GRIA4: variants seen among roughly 807,000 people sequenced by gnomAD.
The protein encoded by GRIA4 is glutamate ionotropic receptor AMPA type subunit 4.
A neutral mutation model predicts 104.0 loss-of-function variants in GRIA4; 34 were observed. The ratio of observed to expected loss-of-function variants is 0.33; its 90% CI spans 0.25 to 0.44. The LOEUF (loss-of-function observed/expected upper bound fraction) is 0.44. GRIA4 is among the 20% of genes least tolerant of loss of function. The pLI, the probability that GRIA4 is intolerant of heterozygous loss-of-function variation, is 1.00. For synonymous variants in GRIA4, 386 were observed against 381.9 expected (o/e 1.01, Z -0.13); for missense variants, 750 against 1,096.5 (o/e 0.68, Z 4.46).
chr11:105,896,976 T>C (rs1240435186), intron 6 of GRIA4, among the ~76,000 whole-genome samples: 11 of 152,202 alleles, frequency 7.2e-5, no homozygotes, highest in African/African-American at 2.7e-4. Flanking sequence ...AGGAATTGCA[T>C]TGAATCTGTA....
At position 105,924,384 on chromosome 11, in the gene GRIA4, T is replaced by G. The variant is rs1565345378; in HGVS notation, c.1477-15T>G. 6.4e-7 allele frequency: 1 copy of G among 1,558,132 alleles called. No homozygotes were observed. Among genetic ancestry groups the G allele is most frequent in the Non-Finnish European group, 8.7e-7 (1 of 1,148,372 alleles). On this transcript the variant is annotated splice_polypyrimidine_tract_variant and intron_variant, in intron 11 of 16. Transcript: ENST00000282499. Reference sequence around the variant, plus strand: ...TCATTAACCTATGTGTCTCCATGTGTTTTTTCTCTTATAGAAAGCAGAGAT... The same window carrying G: ...TCATTAACCTATGTGTCTCCATGTGGTTTTTCTCTTATAGAAAGCAGAGAT...
intron 4 of GRIA4, among the ~76,000 whole-genome samples, chr11:105,849,917 T>C (rs1016040186): frequency 3.3e-5 from 5 of 152,208 alleles, no homozygotes; most frequent in African/African-American, 1.2e-4. Flanking sequence ...CTTAATGTAT[T>C]TTCTGTGTTC....
At chr11:105,941,859 G>C (rs1948187083) in intron 14 of GRIA4, among the ~76,000 whole-genome samples, 1 of 151,956 alleles carries the variant, frequency 6.6e-6, no homozygotes. Flanking sequence ...TTTTGTATTT[G>C]GTCCTGATAG....
At chr11:105,912,749 T>A in intron 10 of GRIA4, 1 of 973,258 alleles carries the variant, frequency 1.0e-6, no homozygotes, top group Non-Finnish European at 1.2e-6. Context: ...TTTCTGAAAG[T>A]GTTCCTTCAA....
intron 4 of GRIA4, among the ~76,000 whole-genome samples, chr11:105,803,844 CAAAA>C (rs537440632): frequency 3.7e-5 from 3 of 80,540 alleles, no homozygotes; most frequent in Non-Finnish European, 8.6e-5. Context: ...GGTGCTATAC[CAAAA>C]AAAAAAAAAA....
At chr11:105,912,155 T>C (rs1051139557) in intron 10 of GRIA4, 4 of 1,030,062 alleles carry the variant, frequency 3.9e-6, no homozygotes, top group African/African-American at 1.7e-5. Flanking sequence ...GATTCTGACA[T>C]ATCAATTCCC....
At chr11:105,656,133 T>A (rs1432086590) in intron 3 of GRIA4, among the ~76,000 whole-genome samples, 4 of 152,188 alleles carry the variant, frequency 2.6e-5, no homozygotes, top group African/African-American at 9.7e-5. Flanking sequence ...AATGTCTTCT[T>A]TTGAGAAGTG....
At chr11:105,906,050 A>G (rs538518812) in intron 9 of GRIA4, among the ~76,000 whole-genome samples, 2 of 152,274 alleles carry the variant, frequency 1.3e-5, no homozygotes, top group African/African-American at 2.4e-5. Context: ...CAGATATTCA[A>G]GTTAACCTTA....
At chr11:105,959,337 T>C (rs1203339851) in intron 14 of GRIA4, among the ~76,000 whole-genome samples, 1 of 152,218 alleles carries the variant, frequency 6.6e-6, no homozygotes, top group African/African-American at 2.4e-5. Flanking sequence ...TCTGTATGTC[T>C]TATTTCAGTA....
intron 5 of GRIA4, among the ~76,000 whole-genome samples, chr11:105,868,564 A>G (rs1945508961): frequency 6.6e-6 from 1 of 152,184 alleles, no homozygotes; most frequent in Non-Finnish European, 1.5e-5. Flanking sequence ...CACATTTTGT[A>G]CGTGTTTAAG....
At position 105,776,675 on chromosome 11, in the gene GRIA4, C is replaced by T. The variant is rs1263525498; in HGVS notation, c.487+23455C>T. Reference sequence around the variant, plus strand: ...GTCCCTGAGGTCTAGATAGAAGTTCCTTGAACCACCATTTCCATGGTTTGG... The same window carrying T: ...GTCCCTGAGGTCTAGATAGAAGTTCTTTGAACCACCATTTCCATGGTTTGG... On this transcript the variant is annotated intron_variant, in intron 4 of 16. Transcript: ENST00000282499. Among the ~76,000 whole-genome samples, 3 of 152,204 alleles carry T rather than the reference C, an allele frequency of 2.0e-5. No homozygotes were observed. The East Asian group carries it at 5.8e-4, about 29-fold the overall frequency.
chr11:105,760,959 C>T (rs1032414748), intron 4 of GRIA4, among the ~76,000 whole-genome samples: 2 of 152,026 alleles, frequency 1.3e-5, no homozygotes, highest in African/African-American at 4.8e-5. Flanking sequence ...TCAAAATGCA[C>T]TATTAAGATT....
At chr11:105,841,491 G>A (rs537890150) in intron 4 of GRIA4, among the ~76,000 whole-genome samples, 82 of 152,252 alleles carry the variant, frequency 5.4e-4, no homozygotes, top group Middle Eastern at 3.4e-3. Context: ...AGAATTGGCA[G>A]GGGAGAAAAT....
At chr11:105,641,380 C>A (rs1951354408) in intron 3 of GRIA4, among the ~76,000 whole-genome samples, 1 of 152,162 alleles carries the variant, frequency 6.6e-6, no homozygotes, top group Admixed American at 6.6e-5. Context: ...TCTTGTCACT[C>A]ATGCTCCTTA....
At chr11:105,633,026 G>T (rs1951078272) in intron 3 of GRIA4, among the ~76,000 whole-genome samples, 1 of 152,142 alleles carries the variant, frequency 6.6e-6, no homozygotes, top group South Asian at 2.1e-4. Context: ...GAAATAAAAG[G>T]TCCTAAAGCA....
At chr11:105,956,772 G>A (rs1171401187) in intron 14 of GRIA4, among the ~76,000 whole-genome samples, 3 of 152,160 alleles carry the variant, frequency 2.0e-5, no homozygotes, top group African/African-American at 2.4e-5. Context: ...AGCACCTGTT[G>A]TTTCCTGACT....
intron 3 of GRIA4, among the ~76,000 whole-genome samples, chr11:105,716,924 T>C (rs1226798706): frequency 1.3e-5 from 2 of 152,106 alleles, no homozygotes; most frequent in Non-Finnish European, 2.9e-5. Context: ...TACAACTTGA[T>C]AGGCAGTTGC....
At chr11:105,830,218 T>C (rs962494540) in intron 4 of GRIA4, among the ~76,000 whole-genome samples, 2 of 151,974 alleles carry the variant, frequency 1.3e-5, no homozygotes, top group African/African-American at 4.8e-5. Flanking sequence ...GAAATATCAC[T>C]GGTAGCATTA....
rs534685251 is a variant in GRIA4, at chr11:105,624,612, C to G, written c.247+12178C>G. On this transcript the variant is annotated intron_variant, in intron 3 of 16. Coordinates refer to ENST00000282499, the MANE Select transcript of GRIA4 (RefSeq NM_000829.4). The stretch of plus-strand genomic sequence containing the variant: ...AAATTAGGTTATCCTTGGTTAATTA[C>G]TTAATCTTTAACTATGTATACAGTC... Among the ~76,000 whole-genome samples the G allele has an allele frequency of 9.6e-4, 146 of 152,098 alleles. No homozygotes were observed. In the Middle Eastern group the frequency reaches 0.014, roughly 14 times the overall value.
Sources: gnomAD v4.1 joint callset for allele counts (sites outside exome capture counted in the v4.1 genomes callset) on GRCh38, gnomAD v4.1.1 for gene constraint, MANE v1.5 for transcripts, NCBI Gene and HGNC (gene_info 2026-07-23, HGNC 2026-07-21) for gene names.